Variants in SYTL2 observed in about 807,000 individuals in gnomAD.
The protein encoded by SYTL2 is synaptotagmin like 2, also known as synaptotagmin-like protein 2.
A neutral mutation model predicts 198.7 loss-of-function variants in SYTL2; 165 were observed. The ratio of observed to expected loss-of-function variants is 0.83; its 90% CI spans 0.73 to 0.94. The LOEUF (loss-of-function observed/expected upper bound fraction) is 0.94. Among genes scored for constraint, SYTL2 ranks in the 40% least tolerant of loss-of-function variants. SYTL2 has a pLI of 0.00. For missense variants in SYTL2, 2,835 were observed against 2,582.8 expected, an observed-to-expected ratio of 1.10 and a Z score of -2.12; for synonymous variants, 966 against 917.7, an observed-to-expected ratio of 1.05 and a Z score of -0.95.
At chr11:85,738,122 T>C (rs921680903) in intron 4 of SYTL2, among the ~76,000 whole-genome samples, 4 of 152,144 alleles carry the variant, frequency 2.6e-5, no homozygotes, top group African/African-American at 9.7e-5. Context: ...GTAAGATTCC[T>C]GCTTTTCCCC....
At chr11:85,829,762 T>C in the SYTL2 span, among the ~76,000 whole-genome samples, 64 of 152,318 alleles carry the variant, frequency 4.2e-4, no homozygotes, top group African/African-American at 1.5e-3. Flanking sequence ...TGGTATCTCA[T>C]TGTAGTTTTG....
At chr11:85,710,828 A>T (rs1307416450) in intron 13 of SYTL2, among the ~76,000 whole-genome samples, 1 of 152,214 alleles carries the variant, frequency 6.6e-6, no homozygotes, top group Non-Finnish European at 1.5e-5. Context: ...TTTGTTGCAC[A>T]GAAAAATTTA....
intron 12 of SYTL2, among the ~76,000 whole-genome samples, chr11:85,713,029 A>G (rs1366676820): frequency 2.0e-5 from 3 of 152,120 alleles, no homozygotes; most frequent in Non-Finnish European, 4.4e-5. Flanking sequence ...TCATATTATT[A>G]TATGGTTGAA....
At chr11:85,832,809 T>C in the SYTL2 span, among the ~76,000 whole-genome samples, 2 of 150,970 alleles carry the variant, frequency 1.3e-5, no homozygotes, top group African/African-American at 2.4e-5. Context: ...CTGGGCAACA[T>C]AGTGAGACCT....
rs772968214 is a variant in SYTL2 at position 85,726,211 on chromosome 11, C to T, written c.3147G>A (p.Glu1049=). The part of the protein sequence containing the change: ...LLSPKKVMAR[E]EMEKLNSKGI... Reference sequence around the variant, plus strand: ...CCTTTGAATTTAATTTCTCCATTTCCTCTCTTGCCATAACTTTTTTTGGGC... The same window carrying T: ...CCTTTGAATTTAATTTCTCCATTTCTTCTCTTGCCATAACTTTTTTTGGGC... Residue 1049 remains glutamate, a synonymous_variant, in exon 8 of 20, where the codon GAG becomes GAA. Transcript: ENST00000359152. The T allele has an allele frequency of 1.2e-6, 2 of 1,613,304 alleles. No homozygotes were observed. Among genetic ancestry groups the T allele is most frequent in the Admixed American group, 1.7e-5 (1 of 59,870 alleles).
intron 1 of SYTL2, among the ~76,000 whole-genome samples, chr11:85,774,889 G>C (rs1014435492): frequency 6.6e-6 from 1 of 152,102 alleles, no homozygotes; most frequent in Admixed American, 6.5e-5. Context: ...TCTGGTCTTC[G>C]CTCTGCTACT....
chr11:85,802,623 GGAAGGAAAGA>G (rs1207722516), intron 1 of SYTL2, among the ~76,000 whole-genome samples: 4 of 152,070 alleles, frequency 2.6e-5, no homozygotes, highest in Non-Finnish European at 4.4e-5. Flanking sequence ...CAAGAGGAAG[GGAAGGAAAGA>G]GAAGGAAAGA....
At chr11:85,817,897 CTTTTCT>C in the SYTL2 span, among the ~76,000 whole-genome samples, 1 of 119,872 alleles carries the variant, frequency 8.3e-6, no homozygotes, top group African/African-American at 3.4e-5. Flanking sequence ...ACCTTTGTGT[CTTTTCT>C]TTTTTTTTTT....
chr11:85,822,480 C>T, the SYTL2 span, among the ~76,000 whole-genome samples: 1 of 152,142 alleles, frequency 6.6e-6, no homozygotes, highest in Non-Finnish European at 1.5e-5. Flanking sequence ...TAGTTGTGGT[C>T]CTATTCCAAA....
intron 1 of SYTL2, among the ~76,000 whole-genome samples, chr11:85,804,984 A>C (rs1415531345): frequency 6.6e-6 from 1 of 152,152 alleles, no homozygotes; most frequent in Non-Finnish European, 1.5e-5. Flanking sequence ...ACAGCATCTC[A>C]ATCTGCTTTT....
chr11:85,705,153 A>C lies in SYTL2; in HGVS notation c.6019-125T>G. The C allele has an allele frequency of 6.5e-6, 4 of 613,390 alleles. No homozygotes were observed. The South Asian group carries it at 8.4e-5, about 13-fold the overall frequency. 38.0% of individuals were successfully genotyped at this position (613,390 alleles called of 1,614,324 possible). A position where few individuals can be genotyped will look rare whatever the true frequency, so the allele number is the denominator to read the frequency against. ...TCTTATCTGTTAGGTTTCGAGTCCC[A>C]AAAATATTGCAAAGTCATCTTATTC... On this transcript the variant is annotated intron_variant, in intron 15 of 19. Coordinates refer to ENST00000359152, the MANE Select transcript of SYTL2 (RefSeq NM_206927.4).
chr11:85,836,642 T>A, the SYTL2 span, among the ~76,000 whole-genome samples: 1 of 152,072 alleles, frequency 6.6e-6, no homozygotes, highest in South Asian at 2.1e-4. Context: ...TTGACACATA[T>A]GATATAACAA....
chr11:85,752,872 A>T (rs2153537742), intron 2 of SYTL2, among the ~76,000 whole-genome samples: 1 of 142,246 alleles, frequency 7.0e-6, no homozygotes, highest in East Asian at 2.3e-4. Context: ...GAAAAACACC[A>T]TGAGAGGTCC....
intron 16 of SYTL2, among the ~76,000 whole-genome samples, chr11:85,701,756 T>G (rs1233631545): frequency 6.6e-6 from 1 of 152,222 alleles, no homozygotes; most frequent in African/African-American, 2.4e-5. Flanking sequence ...TATCACTTCC[T>G]ACTATGATGG....
intron 12 of SYTL2, among the ~76,000 whole-genome samples, chr11:85,714,107 G>C (rs557294947): frequency 2.0e-4 from 30 of 152,342 alleles, no homozygotes; most frequent in Admixed American, 1.5e-3. Flanking sequence ...CCAAACTACA[G>C]AGGAATAATC....
the SYTL2 span, among the ~76,000 whole-genome samples, chr11:85,830,754 C>T: frequency 0.14 from 21,383 of 152,182 alleles, 1,964 homozygotes; most frequent in Non-Finnish European, 0.2. Context: ...CTTACAGCAT[C>T]CCTAGTGAGA....
chr11:85,852,664 G>A, the SYTL2 span: 14 of 186,932 alleles, frequency 7.5e-5, no homozygotes, highest in African/African-American at 1.1e-4. Context: ...ACGGAGTCTC[G>A]TTCACTCAGT....
intron 1 of SYTL2, among the ~76,000 whole-genome samples, chr11:85,771,639 G>A (rs543665070): frequency 1.9e-4 from 29 of 152,202 alleles, no homozygotes; most frequent in African/African-American, 7.0e-4. Context: ...GGAGAAACTG[G>A]CCCTTTTTCC....
chr11:85,848,727 T>G, the SYTL2 span, among the ~76,000 whole-genome samples: 1 of 152,248 alleles, frequency 6.6e-6, no homozygotes, highest in African/African-American at 2.4e-5. Flanking sequence ...AATACTCTTG[T>G]GATGTCACAT....
Sources: allele counts gnomAD v4.1 joint callset (sites outside exome capture counted in the v4.1 genomes callset), GRCh38; gene constraint gnomAD v4.1.1; transcripts MANE v1.5; gene names NCBI Gene and HGNC (gene_info 2026-07-23, HGNC 2026-07-21).